The following MTHFD1 variants were observed in gnomAD, a reference collection of about 807,000 sequenced individuals.
MTHFD1 encodes methylenetetrahydrofolate dehydrogenase, cyclohydrolase and formyltetrahydrofolate synthetase 1.
A neutral mutation model predicts 110.3 loss-of-function variants in MTHFD1; 44 were observed. The observed-to-expected ratio is 0.40, with a 90% CI of 0.31 to 0.51. MTHFD1 has a LOEUF of 0.51. MTHFD1 is among the 20% of genes least tolerant of loss of function. MTHFD1 has a pLI of 0.60. For missense variants in MTHFD1, 909 were observed against 1,173.1 expected, an observed-to-expected ratio of 0.77 and a Z score of 3.29; for synonymous variants, 402 against 428.8, an observed-to-expected ratio of 0.94 and a Z score of 0.77.
chr14:64,399,382 C>T (rs971168470), intron 1 of MTHFD1, among the ~76,000 whole-genome samples: 5 of 152,160 alleles, frequency 3.3e-5, no homozygotes, highest in African/African-American at 1.2e-4. Flanking sequence ...TCCACGTGTC[C>T]GGGAACAGTG....
chr14:64,402,295 A>G lies in MTHFD1; in HGVS notation c.126+1418A>G, dbSNP rs1046106227. On this transcript the variant is annotated intron_variant, in intron 2 of 27. Coordinates refer to ENST00000652337, the MANE Select transcript of MTHFD1 (RefSeq NM_005956.4). ...CAGATCTTCCAAATGTTAACATTTC[A>G]TTATGCAATATGAAAGAATTGGAAT... Among the ~76,000 whole-genome samples the G allele has an allele frequency of 7.2e-5, 11 of 152,356 alleles. No homozygotes were observed. In the East Asian group the frequency reaches 7.7e-4, roughly 11 times the overall value.
At position 64,388,456 on chromosome 14, in the gene MTHFD1, A is replaced by G. The variant is rs771986837; in HGVS notation, c.29A>G (p.Lys10Arg). 2 of 1,613,924 alleles carry G rather than the reference A, an allele frequency of 1.2e-6. No individual in the cohort carries two copies. Among genetic ancestry groups the G allele is most frequent in the Non-Finnish European group, 1.7e-6 (2 of 1,179,974 alleles). ...GCGCCAGCAGAAATCCTGAACGGGA[A>G]GGAGATCTCCGCGTAAGCACCTGAC... MAPAEILNG[K>R]EISAQIRARL... is the part of the protein sequence containing the mutation. Residue 10 changes from lysine to arginine, a missense_variant, in exon 1 of 28, where the codon AAG (lysine) becomes AGG (arginine). Transcript: ENST00000652337.
chr14:64,447,029 G>A (rs1462647927), intron 22 of MTHFD1, among the ~76,000 whole-genome samples: 2 of 151,846 alleles, frequency 1.3e-5, no homozygotes, highest in Non-Finnish European at 2.9e-5. Context: ...TTGTAGAGAC[G>A]GGGTCTCCCT....
At chr14:64,404,548 G>A (rs2077923072) in intron 2 of MTHFD1, among the ~76,000 whole-genome samples, 1 of 152,178 alleles carries the variant, frequency 6.6e-6, no homozygotes, top group South Asian at 2.1e-4. Flanking sequence ...GGAAACTCAC[G>A]GCTTTCATTT....
chr14:64,415,606 T>G, intron 5 of MTHFD1, 33 bp from the exon 6 acceptor site: 1 of 1,612,974 alleles, frequency 6.2e-7, no homozygotes, highest in Non-Finnish European at 8.5e-7. Flanking sequence ...CTAATTGCCT[T>G]TATTTCCTTC....
intron 12 of MTHFD1, among the ~76,000 whole-genome samples, chr14:64,428,123 T>TTTTTTTTTTTTTTTTTTC (rs1566565835): frequency 6.8e-6 from 1 of 146,654 alleles, no homozygotes. Flanking sequence ...TTTTTTTTTT[T>TTTTTTTTTTTTTTTTTTC]TTTTGAGACA....
chr14:64,459,696 AG>A, intron 27 of MTHFD1, 62 bp from the exon 28 acceptor site: 2 of 1,385,834 alleles, frequency 1.4e-6, no homozygotes, highest in South Asian at 2.7e-5. Context: ...GCAGTATGGA[AG>A]GAACAGGAAA....
chr14:64,389,081 A>T (rs1214403736), intron 1 of MTHFD1: 1 of 152,830 alleles, frequency 6.5e-6, no homozygotes, highest in Non-Finnish European at 1.5e-5. Flanking sequence ...ATTCCACTTG[A>T]CCTCTGCCTG....
chr14:64,448,601 C>A (rs1194739984), intron 23 of MTHFD1: 2 of 437,910 alleles, frequency 4.6e-6, no homozygotes, highest in Non-Finnish European at 8.5e-6. Flanking sequence ...TCTTTAGAGG[C>A]CTTTTATGCT....
intron 2 of MTHFD1, among the ~76,000 whole-genome samples, chr14:64,410,183 G>A (rs1338419612): frequency 6.6e-6 from 1 of 152,074 alleles, no homozygotes; most frequent in African/African-American, 2.4e-5. Context: ...TGGTTCAAAG[G>A]ATTTAGCCTC....
intron 16 of MTHFD1, among the ~76,000 whole-genome samples, chr14:64,438,489 A>C (rs1319677607): frequency 6.6e-6 from 1 of 152,172 alleles, no homozygotes; most frequent in Non-Finnish European, 1.5e-5. Flanking sequence ...GGTACACTAA[A>C]ATGTTAACAG....
chr14:64,427,406 C>T lies in MTHFD1; in HGVS notation c.1197C>T (p.Ala399=), dbSNP rs2078126545. ...TTIGLVQALG[A]HLYQNVFACV... is the part of the protein sequence containing the mutation. ...TCGGGCTAGTGCAAGCCCTTGGTGC[C>T]CATCTCTACCAGAATGTCTTTGCGT... Residue 399 remains alanine (A), a synonymous_variant, in exon 12 of 28, where the codon GCC becomes GCT. Coordinates refer to ENST00000652337, the MANE Select transcript of MTHFD1 (RefSeq NM_005956.4). The T allele has an allele frequency of 1.2e-6, 2 of 1,613,964 alleles. No individual in the cohort carries two copies. The highest frequency in any genetic ancestry group is 1.7e-6 in the Non-Finnish European group (2 of 1,179,958).
At chr14:64,434,768 T>C (rs938347914) in intron 15 of MTHFD1, among the ~76,000 whole-genome samples, 4 of 151,790 alleles carry the variant, frequency 2.6e-5, no homozygotes, top group African/African-American at 9.7e-5. Context: ...CAACGGCAAC[T>C]GCACCAATGA....
intron 24 of MTHFD1, among the ~76,000 whole-genome samples, chr14:64,453,028 C>A (rs1162222282): frequency 6.6e-6 from 1 of 151,850 alleles, no homozygotes; most frequent in Non-Finnish European, 1.5e-5. Context: ...CCAGCCTGAA[C>A]ATCTACTTTT....
chr14:64,406,040 T>A lies in MTHFD1; in HGVS notation c.127-5050T>A, dbSNP rs897295509. Among the ~76,000 whole-genome samples, 6 of 138,320 alleles carry A rather than the reference T, an allele frequency of 4.3e-5. No homozygotes were observed. In the East Asian group the frequency reaches 7.8e-4, roughly 18 times the overall value. 90.7% of individuals were successfully genotyped at this position (138,320 alleles called of 152,430 possible). A position where few individuals can be genotyped will look rare whatever the true frequency, so the allele number is the denominator to read the frequency against. On this transcript the variant is annotated intron_variant, in intron 2 of 27. Coordinates refer to ENST00000652337, the MANE Select transcript of MTHFD1 (RefSeq NM_005956.4). ...ATATATATATAATAATAATTATTAT[T>A]ATTATTATTTTTTTTGAGACTGAGT...
intron 6 of MTHFD1, 92 bp downstream of exon 6, chr14:64,415,831 T>C (rs1014081998): frequency 5.5e-6 from 7 of 1,269,084 alleles, no homozygotes; most frequent in Non-Finnish European, 7.9e-6. Context: ...TTGTGGGCCA[T>C]AAATAAATGG....
intron 24 of MTHFD1, among the ~76,000 whole-genome samples, chr14:64,451,447 C>T (rs1403555756): frequency 6.6e-6 from 1 of 152,250 alleles, no homozygotes; most frequent in African/African-American, 2.4e-5. Flanking sequence ...AGATATAATA[C>T]ACTTACAGTT....
chr14:64,392,200 C>CT (rs2077811663), intron 1 of MTHFD1, among the ~76,000 whole-genome samples: 1 of 152,286 alleles, frequency 6.6e-6, no homozygotes, highest in East Asian at 1.9e-4. Context: ...TAACTTACTG[C>CT]TTTGGGGGGT....
intron 2 of MTHFD1, among the ~76,000 whole-genome samples, chr14:64,403,488 G>A (rs568460944): frequency 2.6e-4 from 40 of 152,100 alleles, no homozygotes; most frequent in African/African-American, 7.0e-4. Flanking sequence ...GGCTGGTCTC[G>A]AACTCTTGAC....
Sources: allele counts gnomAD v4.1 joint callset (sites outside exome capture counted in the v4.1 genomes callset), GRCh38; gene constraint gnomAD v4.1.1; transcripts MANE v1.5; gene names NCBI Gene and HGNC (gene_info 2026-07-23, HGNC 2026-07-21).